Variants in RAB3GAP1 observed in about 807,000 individuals in gnomAD.
The protein encoded by RAB3GAP1 is RAB3 GTPase activating protein catalytic subunit 1.
Under a neutral mutation model 130.7 loss-of-function variants are expected in RAB3GAP1, and 86 were observed. The observed-to-expected ratio is 0.66, with a 90% CI of 0.55 to 0.79. RAB3GAP1 has a LOEUF of 0.79. Ranked by LOEUF, RAB3GAP1 falls within the 30% of genes least tolerant of loss-of-function variation. The pLI is 0.00. For synonymous variants in RAB3GAP1, 367 were observed against 401.7 expected, an observed-to-expected ratio of 0.91 and a Z score of 1.03; for missense variants, 1,029 against 1,169.4, an observed-to-expected ratio of 0.88 and a Z score of 1.75.
chr2:135,128,998 A>G (rs958964010), intron 11 of RAB3GAP1, among the ~76,000 whole-genome samples: 2 of 152,134 alleles, frequency 1.3e-5, no homozygotes, highest in East Asian at 1.9e-4. Flanking sequence ...AAAAAATACA[A>G]AAATTAGCTG....
chr2:135,080,088 G>A lies in RAB3GAP1; in HGVS notation c.151-10910G>A, dbSNP rs1038957090. On this transcript the variant is annotated intron_variant, in intron 3 of 23. Transcript: ENST00000264158. ...GCGGAGATCGCACCACAGCACTCCC[G>A]CCTGGGCGACAGAACGAGACTCCGT... 6.5e-5 allele frequency among the ~76,000 whole-genome samples: 9 copies of A among 138,102 alleles called. No homozygotes were observed. The Middle Eastern group carries it at 0.014, about 211-fold the overall frequency. 90.6% of individuals were successfully genotyped at this position (138,102 alleles called of 152,430 possible). A position where few individuals can be genotyped will look rare whatever the true frequency, so the allele number is the denominator to read the frequency against.
intron 19 of RAB3GAP1, 83 bp from the exon 20 acceptor site, chr2:135,162,472 G>T: frequency 2.0e-6 from 2 of 1,018,412 alleles, no homozygotes. Context: ...AAGATGAGTG[G>T]CTGAGGATTT....
chr2:135,077,616 A>G (rs562403946), intron 3 of RAB3GAP1, among the ~76,000 whole-genome samples: 3 of 152,298 alleles, frequency 2.0e-5, no homozygotes, highest in Non-Finnish European at 2.9e-5. Flanking sequence ...TAACTCTTCA[A>G]TTTTTTGAGG....
chr2:135,095,591 T>C (rs1372366900), intron 5 of RAB3GAP1, among the ~76,000 whole-genome samples: 1 of 152,188 alleles, frequency 6.6e-6, no homozygotes, highest in Non-Finnish European at 1.5e-5. Context: ...GATACATTAA[T>C]GTAAGAGGTA....
At chr2:135,055,962 A>G (rs987566968) in intron 2 of RAB3GAP1, among the ~76,000 whole-genome samples, 1 of 151,362 alleles carries the variant, frequency 6.6e-6, no homozygotes, top group African/African-American at 2.4e-5. Flanking sequence ...TCAGCCTCCC[A>G]AGTAGCTGGG....
Position 135,133,851 on chromosome 2 carries a change from T to C in RAB3GAP1, c.1327-10T>C. On this transcript the variant is annotated splice_polypyrimidine_tract_variant and intron_variant, in intron 14 of 23. Coordinates refer to ENST00000264158, the MANE Select transcript of RAB3GAP1 (RefSeq NM_012233.3). ...ACAAGTTTGCTTTGTTTCTATTTTG[T>C]TAAATTTAGAATCTCTACAATCAGT... 2 of 1,612,272 alleles carry C rather than the reference T, an allele frequency of 1.2e-6. No individual in the cohort carries two copies. The highest frequency in any genetic ancestry group is 1.7e-6 in the Non-Finnish European group (2 of 1,178,472).
At chr2:135,065,645 T>C (rs1040218836) in intron 3 of RAB3GAP1, among the ~76,000 whole-genome samples, 10 of 152,204 alleles carry the variant, frequency 6.6e-5, no homozygotes, top group African/African-American at 2.4e-4. Context: ...CAGATGGTAA[T>C]GTACCAATGT....
rs185885786 is a variant in RAB3GAP1, at chr2:135,084,193, C to T, written c.151-6805C>T. 3.9e-5 allele frequency among the ~76,000 whole-genome samples: 6 copies of T among 152,180 alleles called. No homozygotes were observed. The East Asian group carries it at 7.7e-4, about 20-fold the overall frequency. ...CCGGGAGGCAGAGGTTGCAATGAGC[C>T]GAGATCACTCCATTGCACTCCAGCC... On this transcript the variant is annotated intron_variant, in intron 3 of 23. Coordinates refer to ENST00000264158, the MANE Select transcript of RAB3GAP1 (RefSeq NM_012233.3).
At chr2:135,167,838 T>C (rs1692702281) in intron 23 of RAB3GAP1, 1 of 708,062 alleles carries the variant, frequency 1.4e-6, no homozygotes, top group Non-Finnish European at 2.1e-6. Context: ...TGCTGATGTT[T>C]AGCGCAACAT....
At chr2:135,100,000 C>CT (rs1233358373) in intron 5 of RAB3GAP1, among the ~76,000 whole-genome samples, 1 of 152,058 alleles carries the variant, frequency 6.6e-6, no homozygotes. Context: ...ATGATGATAT[C>CT]TGAGTGATAT....
intron 2 of RAB3GAP1, among the ~76,000 whole-genome samples, chr2:135,057,692 G>C (rs192653961): frequency 1.6e-4 from 25 of 152,272 alleles, no homozygotes; most frequent in African/African-American, 4.8e-4. Context: ...ATTTTAGTCT[G>C]TCAGTTTTTA....
chr2:135,137,808 G>C (rs775854370), intron 17 of RAB3GAP1, among the ~76,000 whole-genome samples: 1 of 151,776 alleles, frequency 6.6e-6, no homozygotes, highest in Non-Finnish European at 1.5e-5. Context: ...TGTTTTTAAG[G>C]GTTTTGTTTT....
chr2:135,068,627 C>T (rs941300411), intron 3 of RAB3GAP1, among the ~76,000 whole-genome samples: 5 of 152,070 alleles, frequency 3.3e-5, no homozygotes, highest in Admixed American at 2.6e-4. Flanking sequence ...GTGGCAGGCA[C>T]CTGTAATCCC....
rs61748696 is a variant in RAB3GAP1 at position 135,130,672 on chromosome 2, G to A, written c.1187G>A (p.Gly396Asp). The change falls in exon 13 of 24, where the codon GGT becomes GAT. Residue 396 changes from glycine to aspartate, a missense_variant. Around this residue, in one of 3 missense-constraint regions of RAB3GAP1, gnomAD observed 510 missense variants for 532.1 expected, o/e 0.96. Coordinates refer to ENST00000264158, the MANE Select transcript of RAB3GAP1 (RefSeq NM_012233.3). Reference sequence around the variant, plus strand: ...AAGAAGAAAATCCGAAAACACAGAGGTGTAGAGGAGTCACCGCTAAATAAT... The same window carrying A: ...AAGAAGAAAATCCGAAAACACAGAGATGTAGAGGAGTCACCGCTAAATAAT... ...TAKKKIRKHRGVEESPLNNDV... is the reference protein window; with the variant it reads ...TAKKKIRKHRDVEESPLNNDV... 5.0e-6 allele frequency: 8 copies of A among 1,613,664 alleles called. No individual in the cohort carries two copies. Among genetic ancestry groups the A allele is most frequent in the Non-Finnish European group, 5.9e-6 (7 of 1,179,772 alleles).
chr2:135,151,206 G>A (rs1003723445), intron 18 of RAB3GAP1, among the ~76,000 whole-genome samples: 5 of 152,194 alleles, frequency 3.3e-5, no homozygotes, highest in Non-Finnish European at 2.9e-5. Context: ...GCAAGTCCAC[G>A]TATATGTTAA....
chr2:135,133,131 A>C, intron 14 of RAB3GAP1, 147 bp downstream of exon 14: 1 of 632,530 alleles, frequency 1.6e-6, no homozygotes, highest in Admixed American at 2.6e-5. Context: ...GTTTCCACTT[A>C]GATAACTAGC....
At position 135,164,711 on chromosome 2, in the gene RAB3GAP1, T is replaced by C; in HGVS notation, c.2709+15T>C. Reference sequence around the variant, plus strand: ...ATGCCCAGAGGGTATGTGAGAGTCATTATTGACTCCATCATAATCTCTCCA... The same window carrying C: ...ATGCCCAGAGGGTATGTGAGAGTCACTATTGACTCCATCATAATCTCTCCA... On this transcript the variant is annotated intron_variant, in intron 23 of 23. Transcript: ENST00000264158. 1 of 1,560,212 alleles carries C rather than the reference T, an allele frequency of 6.4e-7. No individual in the cohort carries two copies.
chr2:135,078,074 G>A (rs1467323383), intron 3 of RAB3GAP1, among the ~76,000 whole-genome samples: 3 of 151,762 alleles, frequency 2.0e-5, no homozygotes, highest in Admixed American at 1.3e-4. Flanking sequence ...TTTTTCTTTT[G>A]TTGCCTGTGC....
At chr2:135,142,001 A>C (rs1322299758) in intron 17 of RAB3GAP1, among the ~76,000 whole-genome samples, 1 of 152,208 alleles carries the variant, frequency 6.6e-6, no homozygotes, top group Non-Finnish European at 1.5e-5. Context: ...TTACTCTTCA[A>C]CATTATCTTA....
Sources: allele counts gnomAD v4.1 joint callset (sites outside exome capture counted in the v4.1 genomes callset), GRCh38; gene constraint gnomAD v4.1.1; regional missense constraint gnomAD v4.1.1; transcripts MANE v1.5; gene names NCBI Gene and HGNC (gene_info 2026-07-23, HGNC 2026-07-21).